Variants in SLC6A9 observed in about 807,000 individuals in gnomAD.
SLC6A9 encodes solute carrier family 6 member 9.
In SLC6A9, 31 loss-of-function variants were observed where a neutral mutation model predicts 70.9. The ratio of observed to expected loss-of-function variants is 0.44; its 90% CI spans 0.33 to 0.59. SLC6A9 has a LOEUF of 0.59. SLC6A9 is among the 20% of genes least tolerant of loss of function. The probability of loss-of-function intolerance (pLI) is 0.04; values close to 1 mark genes in which losing one functional copy is unlikely to be tolerated. For synonymous variants in SLC6A9, 310 were observed against 341.3 expected (o/e 0.91, Z 1.01); for missense variants, 631 against 845.2 (o/e 0.75, Z 3.14).
At position 44,008,922 on chromosome 1, in the gene SLC6A9, G is replaced by A. The variant is rs541635912; in HGVS notation, c.320-299C>T. On this transcript the variant is annotated intron_variant, in intron 4 of 13. Transcript: ENST00000372310. ...TTTTTAGTAGAGACGGGGTTTCACT[G>A]TGTTAGCCAGGATGGTCTTGATCTC... 2.2e-3 allele frequency among the ~76,000 whole-genome samples: 339 copies of A among 150,710 alleles called. 1 individual carries two copies. Among genetic ancestry groups the A allele is most frequent in the African/African-American group, 8.1e-3 (332 of 41,042 alleles).
chr1:44,000,727 G>A (rs199734601), intron 12 of SLC6A9, 40 bp downstream of exon 12: 2 of 1,337,584 alleles, frequency 1.5e-6, no homozygotes, highest in Non-Finnish European at 2.1e-6. Flanking sequence ...ACATGGCCAA[G>A]GGGCAGCGGG....
At chr1:44,030,182 C>G (rs1399715371) in intron 1 of SLC6A9, among the ~76,000 whole-genome samples, 1 of 152,102 alleles carries the variant, frequency 6.6e-6, no homozygotes, top group African/African-American at 2.4e-5. Context: ...AGCAGCGGCA[C>G]CGCCCGCAGC....
intron 1 of SLC6A9, among the ~76,000 whole-genome samples, chr1:44,025,314 G>A (rs535536831): frequency 1.3e-5 from 2 of 152,216 alleles, no homozygotes; most frequent in African/African-American, 4.8e-5. Context: ...GAGCTGGGGG[G>A]CAGCAGCCAC....
intron 2 of SLC6A9, among the ~76,000 whole-genome samples, chr1:44,011,314 C>T (rs969016492): frequency 2.6e-5 from 4 of 152,152 alleles, no homozygotes; most frequent in Admixed American, 6.5e-5. Context: ...CCCCCCCACC[C>T]GTCGCCTACC....
At position 43,997,606 on chromosome 1, in the gene SLC6A9, T is replaced by G; in HGVS notation, c.1841A>C (p.Lys614Thr). 6.2e-7 allele frequency: 1 copy of G among 1,613,936 alleles called. No individual in the cohort carries two copies. The highest frequency in any genetic ancestry group is 1.3e-5 in the African/African-American group (1 of 75,028). Reference sequence around the variant, plus strand: ...ACTGCCCACAATGGGGATCTGCGCCTTGTCCGGGTGCAGTGGCTGGACCTC... The same window carrying G: ...ACTGCCCACAATGGGGATCTGCGCCGTGTCCGGGTGCAGTGGCTGGACCTC... ...GFEVQPLHPD[K>T]AQIPIVGSNG... is the part of the protein sequence containing the mutation. The change falls in exon 14 of 14, where the codon AAG (lysine) becomes ACG (threonine). Residue 614 changes from lysine (K) to threonine (T), a missense_variant. Transcript: ENST00000372310. The surrounding 1 kb of genome is among the most constrained non-coding windows in gnomAD (Gnocchi z 4.4).
chr1:44,010,668 G>GC, intron 3 of SLC6A9, 58 bp downstream of exon 3: 1 of 1,541,404 alleles, frequency 6.5e-7, no homozygotes, highest in Non-Finnish European at 8.9e-7. Context: ...GGTGGCCCAG[G>GC]CCCTGGTGGG....
chr1:44,030,185 C>T (rs561724599), intron 1 of SLC6A9, among the ~76,000 whole-genome samples: 2 of 152,222 alleles, frequency 1.3e-5, no homozygotes, highest in East Asian at 3.9e-4. Context: ...AGCGGCACCG[C>T]CCGCAGCGTC....
At chr1:44,026,581 T>A (rs1234139918) in intron 1 of SLC6A9, among the ~76,000 whole-genome samples, 1 of 150,996 alleles carries the variant, frequency 6.6e-6, no homozygotes, top group Non-Finnish European at 1.5e-5. Context: ...ATGGCTTGAA[T>A]CTGGGAGGCA....
chr1:44,003,951 A>G (rs1303481363), intron 5 of SLC6A9, among the ~76,000 whole-genome samples: 1 of 151,138 alleles, frequency 6.6e-6, no homozygotes, highest in African/African-American at 2.4e-5. Context: ...CAACTGCTCT[A>G]CCTCCAGCAC....
At chr1:44,009,000 G>A (rs952541805) in intron 4 of SLC6A9, among the ~76,000 whole-genome samples, 4 of 146,196 alleles carry the variant, frequency 2.7e-5, no homozygotes, top group African/African-American at 5.1e-5. Context: ...GATTACAGGC[G>A]TGAGCCACCG....
chr1:44,017,698 T>A (rs967579436), intron 2 of SLC6A9, among the ~76,000 whole-genome samples: 6 of 152,170 alleles, frequency 3.9e-5, no homozygotes, highest in African/African-American at 1.2e-4. Context: ...AGATGGGGAC[T>A]CCCAAACTGC....
Position 44,002,445 on chromosome 1 carries a change from C to A in SLC6A9, c.859-29G>T, listed in dbSNP as rs1160451889. The stretch of plus-strand genomic sequence containing the variant: ...CAGGGAAGGACCGGTGGGTGAGGAG[C>A]TGTGGGCAGAGGCAGGCACCTCCCT... On this transcript the variant is annotated intron_variant, in intron 7 of 13. Transcript: ENST00000372310. This position sits in a 1 kb window ranked among gnomAD's most constrained non-coding sequence, Gnocchi z 5.5. The A allele has an allele frequency of 6.2e-7, 1 of 1,612,886 alleles. No homozygotes were observed.
At position 44,001,619 on chromosome 1, in the gene SLC6A9, A is replaced by T; in HGVS notation, c.971T>A (p.Val324Asp). The change falls in exon 9 of 14, where the codon GTC (valine) becomes GAC (aspartate). Residue 324 changes from valine to aspartate, a missense_variant. Transcript: ENST00000372310. Reference protein sequence around the residue: ...KFHNNCYRDSVIISITNCATS... With the variant: ...KFHNNCYRDSDIISITNCATS... ...GGCACAGTTGGTGATGCTGATGATG[A>T]CACTGTCCCTGATGGGGAGGAAAAC... is the stretch of plus-strand genomic sequence containing the variant. 1 of 1,612,220 alleles carries T rather than the reference A, an allele frequency of 6.2e-7. No individual in the cohort carries two copies. The highest frequency in any genetic ancestry group is 8.5e-7 in the Non-Finnish European group (1 of 1,178,736).
At chr1:44,003,727 A>G (rs1460497459) in intron 5 of SLC6A9, among the ~76,000 whole-genome samples, 2 of 147,818 alleles carry the variant, frequency 1.4e-5, no homozygotes, top group Non-Finnish European at 1.5e-5. Flanking sequence ...TAGCCTGGGC[A>G]ACAAAGCAAA....
intron 12 of SLC6A9, among the ~76,000 whole-genome samples, chr1:43,999,385 C>T (rs2154304243): frequency 6.6e-6 from 1 of 151,882 alleles, no homozygotes; most frequent in Non-Finnish European, 1.5e-5. Flanking sequence ...CACCAGATCC[C>T]AGCCAAGGTT....
intron 2 of SLC6A9, chr1:44,011,615 G>A (rs992987127): frequency 2.5e-6 from 4 of 1,613,990 alleles, no homozygotes; most frequent in African/African-American, 1.3e-5. Context: ...GACCAGAGTT[G>A]TAGGCCCCAT....
At chr1:44,003,778 G>T (rs1306887408) in intron 5 of SLC6A9, among the ~76,000 whole-genome samples, 4 of 148,184 alleles carry the variant, frequency 2.7e-5, no homozygotes, top group Non-Finnish European at 6.0e-5. Flanking sequence ...AAAAAGATTG[G>T]ACCCAAATTT....
chr1:44,011,226 G>A (rs540477738), intron 2 of SLC6A9, among the ~76,000 whole-genome samples: 17 of 152,338 alleles, frequency 1.1e-4, no homozygotes, highest in African/African-American at 3.8e-4. Context: ...GCCCCTCTGG[G>A]TAAGGATCTG....
At chr1:44,000,686 C>A in intron 12 of SLC6A9, 81 bp downstream of exon 12, 3 of 924,794 alleles carry the variant, frequency 3.2e-6, no homozygotes, top group Non-Finnish European at 5.1e-6. Context: ...GGAGCTCCCA[C>A]TGTCCCTCCG....
Sources: gnomAD v4.1 joint callset for allele counts (sites outside exome capture counted in the v4.1 genomes callset) on GRCh38, gnomAD v4.1.1 for gene constraint, Gnocchi (gnomAD v3.1) non-coding constraint, MANE v1.5 for transcripts, NCBI Gene and HGNC (gene_info 2026-07-23, HGNC 2026-07-21) for gene names.